The following NPIPB11 variants were observed in gnomAD, a reference collection of about 807,000 sequenced individuals.
NPIPB11 encodes the protein nuclear pore complex interacting protein family member B11.
NPIPB11 carries 17 observed loss-of-function variants against 32.8 expected under a neutral mutation model. That is an observed-to-expected ratio of 0.52 (90% CI 0.35 to 0.78). The LOEUF (loss-of-function observed/expected upper bound fraction) is 0.78, where lower values mean the gene tolerates loss of function less well. Among genes scored for constraint, NPIPB11 ranks in the 30% least tolerant of loss-of-function variants. NPIPB11 has a pLI of 0.01. For missense variants in NPIPB11, 537 were observed against 1,000.4 expected (o/e 0.54, Z 6.25); for synonymous variants, 209 against 398.4 (o/e 0.52, Z 5.66).
chr16:29,388,867 A>G (rs1215262565), intron 5 of NPIPB11, among the ~76,000 whole-genome samples: 1 of 127,826 alleles, frequency 7.8e-6, no homozygotes, highest in African/African-American at 3.0e-5. Flanking sequence ...GTTCAAGACT[A>G]GCCTGGCCAA....
At chr16:29,390,002 C>G (rs1396799462) in exon 5 of NPIPB11, 1 of 1,592,014 alleles carries the variant, frequency 6.3e-7, no homozygotes, top group Non-Finnish European at 8.5e-7. Flanking sequence ...TTCGTTGTCA[C>G]CTTCCTCTTA....
At chr16:29,401,850 G>A (rs1395008681) in intron 2 of NPIPB11, among the ~76,000 whole-genome samples, 8 of 151,856 alleles carry the variant, frequency 5.3e-5, no homozygotes, top group Admixed American at 2.6e-4. Context: ...CAGGGCACAG[G>A]AGAGCCATGG....
intron 3 of NPIPB11, 46 bp downstream of exon 3, chr16:29,393,902 T>C: frequency 6.9e-7 from 1 of 1,448,464 alleles, no homozygotes; most frequent in Admixed American, 2.2e-5. Context: ...AATTTATTCT[T>C]ATTTGTGATT....
upstream of NPIPB11, among the ~76,000 whole-genome samples, chr16:29,405,913 C>G (rs1377332664): frequency 6.6e-6 from 1 of 152,264 alleles, no homozygotes; most frequent in African/African-American, 2.4e-5. Context: ...TCAAGTACCC[C>G]TTTTGATCAC....
exon 5 of NPIPB11, chr16:29,389,994 C>T (rs1409147089): frequency 1.8e-5 from 28 of 1,591,148 alleles, no homozygotes; most frequent in Middle Eastern, 2.3e-4. Context: ...GGTTGATTTT[C>T]GTTGTCACCT....
At chr16:29,394,421 A>G (rs1567273235) in intron 2 of NPIPB11, among the ~76,000 whole-genome samples, 1 of 130,806 alleles carries the variant, frequency 7.6e-6, no homozygotes, top group Non-Finnish European at 1.6e-5. Flanking sequence ...TGATCTAAAA[A>G]AAAACCTCTT....
intron 2 of NPIPB11, among the ~76,000 whole-genome samples, chr16:29,401,365 A>G (rs1596684075): frequency 6.6e-6 from 1 of 152,128 alleles, no homozygotes; most frequent in Non-Finnish European, 1.5e-5. Flanking sequence ...TACTGACTCA[A>G]TGTCACTCAG....
At chr16:29,390,659 C>A (rs903076237) in intron 3 of NPIPB11, among the ~76,000 whole-genome samples, 49 of 151,058 alleles carry the variant, frequency 3.2e-4, no homozygotes, top group Non-Finnish European at 6.6e-4. Context: ...CACATACACA[C>A]ACACACACAC....
chr16:29,391,020 A>G lies in NPIPB11; in HGVS notation c.250-672T>C, dbSNP rs62035598. 8.6e-5 allele frequency among the ~76,000 whole-genome samples: 13 copies of G among 151,470 alleles called. 1 individual carries two copies. The highest frequency in any genetic ancestry group is 2.2e-4 in the African/African-American group (9 of 41,224). On this transcript the variant is annotated intron_variant, in intron 3 of 7. Coordinates refer to ENST00000524087, the Ensembl canonical transcript of NPIPB11. ...GCGGTAGCTCATGCCTGTAATCCCA[A>G]CACTTTGGGAGGCCGACGCGGGTGA...
chr16:29,402,035 C>T lies in NPIPB11; in HGVS notation c.120+1648G>A, dbSNP rs536683159. Among the ~76,000 whole-genome samples, 219 of 151,644 alleles carry T rather than the reference C, an allele frequency of 1.4e-3. 1 individual carries two copies. Among genetic ancestry groups the T allele is most frequent in the African/African-American group, 4.7e-3 (195 of 41,196 alleles). On this transcript the variant is annotated intron_variant, in intron 2 of 7. Coordinates refer to ENST00000524087, the Ensembl canonical transcript of NPIPB11. Reference sequence around the variant, plus strand: ...GAACATGAACTGGTGGTCAGACACACGTAGGTTTCAGTTCCAGCTCTGCCT... The same window carrying T: ...GAACATGAACTGGTGGTCAGACACATGTAGGTTTCAGTTCCAGCTCTGCCT...
chr16:29,393,916 A>C (rs1385888283), intron 3 of NPIPB11, 32 bp downstream of exon 3: 1 of 1,515,350 alleles, frequency 6.6e-7, no homozygotes, highest in African/African-American at 1.4e-5. Flanking sequence ...TGTGATTACA[A>C]GTATACCTCT....
At chr16:29,395,635 A>G (rs972297612) in intron 2 of NPIPB11, among the ~76,000 whole-genome samples, 11 of 145,668 alleles carry the variant, frequency 7.6e-5, no homozygotes, top group Non-Finnish European at 1.5e-4. Context: ...AAAAAATACA[A>G]TGAAGAGATT....
chr16:29,399,664 C>A (rs1963942706), intron 2 of NPIPB11, among the ~76,000 whole-genome samples: 1 of 152,032 alleles, frequency 6.6e-6, no homozygotes, highest in Non-Finnish European at 1.5e-5. Flanking sequence ...CACCACTGCA[C>A]TCCAGCCTAG....
chr16:29,391,059 G>T (rs1441057966), intron 3 of NPIPB11, among the ~76,000 whole-genome samples: 1 of 149,198 alleles, frequency 6.7e-6, no homozygotes, highest in Non-Finnish European at 1.5e-5. Flanking sequence ...ACAAGGTCAA[G>T]AGATGGAGAC....
At chr16:29,403,110 C>T (rs1378146600) in intron 2 of NPIPB11, among the ~76,000 whole-genome samples, 1 of 144,036 alleles carries the variant, frequency 6.9e-6, no homozygotes, top group Non-Finnish European at 1.5e-5. Flanking sequence ...CAGAGTCTCG[C>T]TCTGTCGCAC....
chr16:29,392,587 G>A (rs1362754103), intron 3 of NPIPB11, among the ~76,000 whole-genome samples: 10 of 151,224 alleles, frequency 6.6e-5, no homozygotes, highest in Non-Finnish European at 1.5e-4. Context: ...GTGGGCACCT[G>A]TAATCCCAGC....
At chr16:29,389,763 T>G (rs1285689432) in intron 5 of NPIPB11, among the ~76,000 whole-genome samples, 178 bp downstream of exon 5, 2 of 144,772 alleles carry the variant, frequency 1.4e-5, no homozygotes, top group African/African-American at 2.6e-5. Context: ...CAAACAAGAA[T>G]GTAGGAAGGG....
intron 2 of NPIPB11, among the ~76,000 whole-genome samples, chr16:29,402,724 CTGTGTGTGTGTGTGTGTGTGTGTG>C (rs71214272): frequency 2.0e-4 from 24 of 119,634 alleles, no homozygotes; most frequent in African/African-American, 7.5e-4. Flanking sequence ...CTCTCTCTCT[CTGTGTGTGTGTGTGTGTGTGTGTG>C]TGTGTGTGTG....
At chr16:29,397,531 A>T (rs1963887745) in intron 2 of NPIPB11, 1 of 1,504,880 alleles carries the variant, frequency 6.6e-7, no homozygotes, top group Admixed American at 2.0e-5. Flanking sequence ...CAGCCCAGTA[A>T]AAAGGAAGAA....
Sources: allele counts gnomAD v4.1 joint callset (sites outside exome capture counted in the v4.1 genomes callset), GRCh38; gene constraint gnomAD v4.1.1; transcripts MANE v1.5; gene names NCBI Gene and HGNC (gene_info 2026-07-23, HGNC 2026-07-21).